Variants in ESRP1 observed in about 807,000 individuals in gnomAD.
ESRP1 encodes RNA-binding motif protein 35A.
In ESRP1, 33 loss-of-function variants were observed where a neutral mutation model predicts 81.7. The observed-to-expected ratio is 0.40, with a 90% CI of 0.31 to 0.54. ESRP1 has a LOEUF of 0.54. ESRP1 is among the 20% of genes least tolerant of loss of function. The pLI, the probability that ESRP1 is intolerant of heterozygous loss-of-function variation, is 0.41. For synonymous variants in ESRP1, 320 were observed against 303.3 expected (o/e 1.06, Z -0.57); for missense variants, 672 against 833.1 (o/e 0.81, Z 2.38).
chr8:94,686,288 A>G (rs1268114435), intron 13 of ESRP1, among the ~76,000 whole-genome samples: 1 of 152,224 alleles, frequency 6.6e-6, no homozygotes. Flanking sequence ...GTCTTCAGCA[A>G]CTTTATAATA....
intron 7 of ESRP1, 28 bp from the exon 8 acceptor site, chr8:94,664,899 C>A: frequency 6.2e-7 from 1 of 1,604,914 alleles, no homozygotes; most frequent in Non-Finnish European, 8.5e-7. Flanking sequence ...TTTTTTTCTA[C>A]CTGCTGTCTG....
chr8:94,652,048 C>A (rs770602873), intron 4 of ESRP1, among the ~76,000 whole-genome samples: 2 of 121,948 alleles, frequency 1.6e-5, no homozygotes, highest in African/African-American at 3.2e-5. Flanking sequence ...GAGTGCAGTG[C>A]GCAATCTTGG....
chr8:94,698,875 G>A (rs544124661), intron 15 of ESRP1, among the ~76,000 whole-genome samples: 110 of 152,204 alleles, frequency 7.2e-4, no homozygotes, highest in Non-Finnish European at 1.4e-3. Flanking sequence ...AGTTGGAAGT[G>A]AAGATTTTTT....
In ESRP1 at chr8:94,651,058, T is replaced by G. The variant is rs112951791; in HGVS notation, c.490+4776T>G. Among the ~76,000 whole-genome samples, 542 of 152,238 alleles carry G rather than the reference T, an allele frequency of 3.6e-3. 5 individuals are homozygous for G. Among genetic ancestry groups the G allele is most frequent in the African/African-American group, 0.012 (518 of 41,540 alleles). On this transcript the variant is annotated intron_variant, in intron 4 of 15. Transcript: ENST00000433389. ...CAAGGAGTGTGACTGCTGGATCATA[T>G]GGGAAGAGTGTCATTTTTTATATCT...
intron 6 of ESRP1, 92 bp from the exon 7 acceptor site, chr8:94,664,605 C>A (rs1818923997): frequency 5.8e-6 from 5 of 857,326 alleles, no homozygotes; most frequent in Non-Finnish European, 9.8e-6. Context: ...AATAATACAT[C>A]CTGTGTAACT....
chr8:94,689,640 A>G (rs925286803), intron 13 of ESRP1, among the ~76,000 whole-genome samples: 2 of 151,794 alleles, frequency 1.3e-5, no homozygotes, highest in African/African-American at 4.8e-5. Context: ...AAAAGACCTT[A>G]AGATTTAGAA....
In ESRP1 at chr8:94,643,339, G is replaced by A. The variant is rs1380225194; in HGVS notation, c.298G>A (p.Val100Ile). The A allele has an allele frequency of 1.9e-6, 3 of 1,613,508 alleles. No homozygotes were observed. The Admixed American group carries it at 5.0e-5, about 27-fold the overall frequency. ...AGTGAGCAATGAACTGAATATTGGA[G>A]TAGGGACTTCCTTCTGTCTCTGTAC... ...QSVSNELNIG[V>I]GTSFCLCTDG... The change falls in exon 3 of 16, where the codon GTA (valine) becomes ATA (isoleucine). Residue 100 changes from valine (V) to isoleucine (I), a missense_variant. Transcript: ENST00000433389.
chr8:94,686,407 G>T (rs1264117967), intron 13 of ESRP1, among the ~76,000 whole-genome samples: 1 of 152,170 alleles, frequency 6.6e-6, no homozygotes, highest in Non-Finnish European at 1.5e-5. Context: ...CAACTGTGAT[G>T]CTCTAGCAGT....
At position 94,645,980 on chromosome 8, in the gene ESRP1, C is replaced by T. The variant is rs1817827786; in HGVS notation, c.376-188C>T. On this transcript the variant is annotated intron_variant, in intron 3 of 15. Transcript: ENST00000433389. ...GCCTTAAAACAAGAGGAATTTTTTT[C>T]ATGAGACTTGTACATAGGATCTAAT... Among the ~76,000 whole-genome samples the T allele has an allele frequency of 1.3e-5, 2 of 152,086 alleles. 1 individual carries two copies. Among genetic ancestry groups the T allele is most frequent in the South Asian group, 4.2e-4 (2 of 4,816 alleles).
intron 11 of ESRP1, among the ~76,000 whole-genome samples, chr8:94,672,591 G>A (rs1411435437): frequency 6.6e-6 from 1 of 151,570 alleles, no homozygotes; most frequent in African/African-American, 2.4e-5. Context: ...GGATTGCAGT[G>A]GAGCAATCTC....
intron 9 of ESRP1, among the ~76,000 whole-genome samples, chr8:94,667,068 GGTGTGTGTGT>G (rs1163646804): frequency 5.7e-4 from 82 of 144,318 alleles, no homozygotes; most frequent in African/African-American, 2.0e-3. Flanking sequence ...CCAGGAGAGG[GGTGTGTGTGT>G]GTGTGTGTGT....
At chr8:94,681,353 A>AAAAAAAAC in intron 13 of ESRP1, among the ~76,000 whole-genome samples, 1 of 136,292 alleles carries the variant, frequency 7.3e-6, no homozygotes. Flanking sequence ...AAAAAAAAAA[A>AAAAAAAAC]CTGGCTTGGC....
rs58359551 is a variant in ESRP1 at position 94,689,811 on chromosome 8, C to CTTTTTTTTTTTTTTTTTTTTTTTTTT, written c.1821-2841_1821-2840insTTTTTTTTTTTTTTTTTTTTTTTTTT. On this transcript the variant is annotated intron_variant, in intron 13 of 15. Coordinates refer to ENST00000433389, the MANE Select transcript of ESRP1 (RefSeq NM_017697.4). The stretch of plus-strand genomic sequence containing the variant: ...CACAGGCATGTGCTATGATGCCTGG[C>CTTTTTTTTTTTTTTTTTTTTTTTTTT]TTTTTTTTTTTTTTTTTTTTTTTTT... Among the ~76,000 whole-genome samples, 48 of 64,656 alleles carry CTTTTTTTTTTTTTTTTTTTTTTTTTT rather than the reference C, an allele frequency of 7.4e-4. 9 individuals carry two copies. The highest frequency in any genetic ancestry group is 1.2e-3 in the Non-Finnish European group (40 of 33,660). The allele number at this position is 64,656 out of a possible 152,430, so 42.4% of individuals were successfully genotyped here. A position where few individuals can be genotyped will look rare whatever the true frequency, so the allele number is the denominator to read the frequency against.
At chr8:94,695,380 A>G (rs1809562727) in intron 14 of ESRP1, among the ~76,000 whole-genome samples, 1 of 92,108 alleles carries the variant, frequency 1.1e-5, no homozygotes, top group Non-Finnish European at 1.9e-5. Flanking sequence ...TTTGAGACGG[A>G]GTCTCACTCT....
At chr8:94,658,430 C>T (rs1042161037) in intron 4 of ESRP1, among the ~76,000 whole-genome samples, 8 of 152,088 alleles carry the variant, frequency 5.3e-5, no homozygotes, top group African/African-American at 1.7e-4. Context: ...TTACAACAGT[C>T]GAGAAAATAG....
In ESRP1 at chr8:94,665,091, C is replaced by A. The variant is rs533561075; in HGVS notation, c.888+32C>A. On this transcript the variant is annotated intron_variant, in intron 8 of 15. Coordinates refer to ENST00000433389, the MANE Select transcript of ESRP1 (RefSeq NM_017697.4). ...CCTCAAAACCTGAACCCCTGGACAT[C>A]GTGAATGAGAATTAACATAGGACGG... is the stretch of plus-strand genomic sequence containing the variant. 3.1e-6 allele frequency: 5 copies of A among 1,613,594 alleles called. No individual in the cohort carries two copies. The Admixed American group carries it at 5.0e-5, about 16-fold the overall frequency.
chr8:94,672,504 T>A (rs945176013), intron 11 of ESRP1, among the ~76,000 whole-genome samples: 3 of 152,112 alleles, frequency 2.0e-5, no homozygotes, highest in Non-Finnish European at 4.4e-5. Context: ...TACAAACCCA[T>A]AAGCCAGGTG....
At chr8:94,697,025 C>A in intron 15 of ESRP1, 64 bp downstream of exon 15, 1 of 1,112,680 alleles carries the variant, frequency 9.0e-7, no homozygotes, top group Non-Finnish European at 1.3e-6. Context: ...ATTCTGAAGG[C>A]ATTTAGAAAT....
chr8:94,669,919 A>G (rs965142001), intron 10 of ESRP1, among the ~76,000 whole-genome samples: 1 of 151,900 alleles, frequency 6.6e-6, no homozygotes, highest in Non-Finnish European at 1.5e-5. Flanking sequence ...TGAAAATGTC[A>G]TAAGTGCTGA....
Sources: gnomAD v4.1 joint callset for allele counts (sites outside exome capture counted in the v4.1 genomes callset) on GRCh38, gnomAD v4.1.1 for gene constraint, MANE v1.5 for transcripts, NCBI Gene and HGNC (gene_info 2026-07-23, HGNC 2026-07-21) for gene names.